The following PTPRM variants were observed in gnomAD, a reference collection of about 807,000 sequenced individuals.
PTPRM encodes protein tyrosine phosphatase receptor type M, also known as receptor-type tyrosine-protein phosphatase mu.
Under a neutral mutation model 186.7 loss-of-function variants are expected in PTPRM, and 47 were observed. That is an observed-to-expected ratio of 0.25 (90% CI 0.20 to 0.32). PTPRM has a LOEUF of 0.32. Ranked by LOEUF, PTPRM falls within the 10% of genes least tolerant of loss-of-function variation. PTPRM has a pLI of 1.00. For synonymous variants in PTPRM, 668 were observed against 674.9 expected, an observed-to-expected ratio of 0.99 and a Z score of 0.16; for missense variants, 1,494 against 1,865.0, an observed-to-expected ratio of 0.80 and a Z score of 3.66.
In PTPRM at chr18:8,244,234, C is replaced by T. The variant is rs147654045; in HGVS notation, c.2452+25C>T. 6.7e-6 allele frequency: 10 copies of T among 1,495,450 alleles called. No homozygotes were observed. In the South Asian group the frequency reaches 9.8e-5, roughly 15 times the overall value. The allele number at this position is 1,495,450 out of a possible 1,614,324, so 92.6% of individuals were successfully genotyped here. A position where few individuals can be genotyped will look rare whatever the true frequency, so the allele number is the denominator to read the frequency against. ...TGTAAGTGCATATGTTTCTTGGCTTCTAACACATCTCCTTGGTTTTGCAAG... is the reference window on the plus strand; with the variant it reads ...TGTAAGTGCATATGTTTCTTGGCTTTTAACACATCTCCTTGGTTTTGCAAG... On this transcript the variant is annotated intron_variant, in intron 15 of 32. Transcript: ENST00000580170.
At chr18:8,362,747 A>T (rs1210060544) in intron 23 of PTPRM, among the ~76,000 whole-genome samples, 2 of 152,240 alleles carry the variant, frequency 1.3e-5, no homozygotes, top group South Asian at 2.1e-4. Flanking sequence ...TTTCATTTTT[A>T]AAATTTTAAT....
chr18:7,626,630 GC>G (rs2038068902), intron 1 of PTPRM, among the ~76,000 whole-genome samples: 1 of 152,138 alleles, frequency 6.6e-6, no homozygotes, highest in Non-Finnish European at 1.5e-5. Flanking sequence ...CAATTTCAGT[GC>G]CCCTTGCTCA....
intron 14 of PTPRM, among the ~76,000 whole-genome samples, chr18:8,147,722 C>T (rs2092917774): frequency 6.6e-6 from 1 of 152,128 alleles, no homozygotes; most frequent in Non-Finnish European, 1.5e-5. Flanking sequence ...TTGTCTTGTG[C>T]CAGTTTTTAA....
At chr18:8,081,012 C>A (rs1011891179) in intron 9 of PTPRM, among the ~76,000 whole-genome samples, 1 of 152,120 alleles carries the variant, frequency 6.6e-6, no homozygotes, top group Admixed American at 6.6e-5. Flanking sequence ...TTTAATTATT[C>A]ATTCCTTTGT....
At chr18:7,852,027 A>G (rs548706512) in intron 2 of PTPRM, among the ~76,000 whole-genome samples, 1 of 152,312 alleles carries the variant, frequency 6.6e-6, no homozygotes, top group African/African-American at 2.4e-5. Flanking sequence ...AGAATAGAGA[A>G]GGGATATGTA....
intron 2 of PTPRM, among the ~76,000 whole-genome samples, chr18:7,882,626 A>G (rs1295251993): frequency 1.3e-5 from 2 of 152,240 alleles, no homozygotes; most frequent in East Asian, 3.8e-4. Flanking sequence ...GAATTTTATA[A>G]TAGCTTTAAA....
At chr18:8,023,018 C>G (rs966512677) in intron 7 of PTPRM, among the ~76,000 whole-genome samples, 18 of 151,992 alleles carry the variant, frequency 1.2e-4, no homozygotes, top group African/African-American at 2.9e-4. Context: ...TTCAGTCACC[C>G]GGTGGTTTAC....
intron 2 of PTPRM, among the ~76,000 whole-genome samples, chr18:7,872,018 T>G (rs535835519): frequency 1.3e-5 from 2 of 152,350 alleles, no homozygotes; most frequent in South Asian, 2.1e-4. Flanking sequence ...ATGCCTCTGT[T>G]GTTATTTTTT....
intron 23 of PTPRM, among the ~76,000 whole-genome samples, chr18:8,364,275 G>A (rs1185016206): frequency 1.3e-5 from 2 of 152,062 alleles, no homozygotes; most frequent in African/African-American, 4.8e-5. Flanking sequence ...GTTAATAATA[G>A]GATCTCATAT....
chr18:7,966,725 C>T (rs2054106886), intron 7 of PTPRM, among the ~76,000 whole-genome samples: 2 of 145,620 alleles, frequency 1.4e-5, no homozygotes, highest in African/African-American at 4.9e-5. Context: ...GTCACTCCCA[C>T]CCGAATACTG....
At chr18:8,355,271 G>T (rs1033532591) in intron 23 of PTPRM, among the ~76,000 whole-genome samples, 1 of 152,180 alleles carries the variant, frequency 6.6e-6, no homozygotes, top group Non-Finnish European at 1.5e-5. Context: ...GTTGAGTGGA[G>T]GTTGAAGGGA....
At chr18:8,237,096 T>G (rs925837078) in intron 14 of PTPRM, among the ~76,000 whole-genome samples, 2 of 152,180 alleles carry the variant, frequency 1.3e-5, no homozygotes, top group East Asian at 1.9e-4. Context: ...TACTTTCAAA[T>G]AACACTGTAC....
At chr18:7,790,588 G>A (rs2043294477) in intron 2 of PTPRM, among the ~76,000 whole-genome samples, 1 of 152,118 alleles carries the variant, frequency 6.6e-6, no homozygotes, top group Admixed American at 6.5e-5. Context: ...TTTCCTCCCT[G>A]ATTCACTTAT....
chr18:7,591,295 C>G (rs2037119359), intron 1 of PTPRM, among the ~76,000 whole-genome samples: 1 of 152,112 alleles, frequency 6.6e-6, no homozygotes, highest in African/African-American at 2.4e-5. Flanking sequence ...AGCAACACTC[C>G]TAATTGTATT....
Position 7,949,300 on chromosome 18 carries a change from G to A in PTPRM, c.783G>A (p.Met261Ile), listed in dbSNP as rs763007928. Residue 261 changes from methionine to isoleucine, a missense_variant, in exon 6 of 33, where the codon ATG becomes ATA. This residue lies in a region of PTPRM where 296 missense variants were observed against 345.5 expected (regional missense o/e 0.86). Coordinates refer to ENST00000580170, the MANE Select transcript of PTPRM (RefSeq NM_001105244.2). Reference protein sequence around the residue: ...TKRDAGKYRCMIRTEGGVGIS... With the variant: ...TKRDAGKYRCIIRTEGGVGIS... ...GAGATGCTGGAAAGTACCGCTGCAT[G>A]ATTCGCACTGAAGGAGGTGTTGGAA... is the stretch of plus-strand genomic sequence containing the variant. 5 of 1,614,136 alleles carry A rather than the reference G, an allele frequency of 3.1e-6. No homozygotes were observed. The highest frequency in any genetic ancestry group is 4.2e-6 in the Non-Finnish European group (5 of 1,179,976).
chr18:7,902,301 C>G (rs1168141725), intron 3 of PTPRM, among the ~76,000 whole-genome samples: 2 of 152,208 alleles, frequency 1.3e-5, no homozygotes, highest in African/African-American at 4.8e-5. Context: ...AAGCTTGTCT[C>G]TAATTCTTTT....
At chr18:7,782,037 A>G (rs187187728) in intron 2 of PTPRM, among the ~76,000 whole-genome samples, 5 of 152,346 alleles carry the variant, frequency 3.3e-5, no homozygotes, top group Non-Finnish European at 1.5e-5. Flanking sequence ...ATGATGAGAC[A>G]AAGCAAAATA....
At chr18:8,264,581 C>T (rs2094676428) in intron 19 of PTPRM, among the ~76,000 whole-genome samples, 1 of 152,010 alleles carries the variant, frequency 6.6e-6, no homozygotes, top group African/African-American at 2.4e-5. Flanking sequence ...CCATCCTGGC[C>T]AACACAGCGA....
intron 13 of PTPRM, among the ~76,000 whole-genome samples, chr18:8,137,457 G>A (rs2092662730): frequency 6.6e-6 from 1 of 152,312 alleles, no homozygotes; most frequent in East Asian, 1.9e-4. Context: ...TGCAATTCAG[G>A]CAGGGGAGGC....
Sources: gnomAD v4.1 joint callset for allele counts (sites outside exome capture counted in the v4.1 genomes callset) on GRCh38, gnomAD v4.1.1 for gene constraint, gnomAD v4.1.1 regional missense constraint, MANE v1.5 for transcripts, NCBI Gene and HGNC (gene_info 2026-07-23, HGNC 2026-07-21) for gene names.